The following ATXN8OS variants were observed in gnomAD, a reference collection of about 807,000 sequenced individuals.
ATXN8OS encodes ATXN8 opposite strand lncRNA.
At chr13:70,144,176 C>T (rs1888751619) in intron 3 of ATXN8OS, among the ~76,000 whole-genome samples, 1 of 151,946 alleles carries the variant, frequency 6.6e-6, no homozygotes, top group South Asian at 2.1e-4. Flanking sequence ...GTGGCTTTCA[C>T]ATTCTTCATC....
At chr13:70,112,538 A>G (rs1888211572) in intron 1 of ATXN8OS, among the ~76,000 whole-genome samples, 1 of 152,114 alleles carries the variant, frequency 6.6e-6, no homozygotes, top group Non-Finnish European at 1.5e-5. Flanking sequence ...AATCTTCATT[A>G]CAGTATAGTT....
chr13:70,146,140 G>T (rs1299499138), intron 3 of ATXN8OS, among the ~76,000 whole-genome samples: 1 of 149,122 alleles, frequency 6.7e-6, no homozygotes, highest in Non-Finnish European at 1.5e-5. Context: ...AGACTTTTAT[G>T]CAGCCAAAAA....
chr13:70,113,605 G>C (rs1888232008), intron 1 of ATXN8OS, among the ~76,000 whole-genome samples: 1 of 152,136 alleles, frequency 6.6e-6, no homozygotes, highest in Admixed American at 6.6e-5. Context: ...ATAAAATACA[G>C]ATTTGGAAGT....
At chr13:70,115,160 C>T (rs1888257010) in exon 2 of ATXN8OS, 1 of 398,250 alleles carries the variant, frequency 2.5e-6, no homozygotes, top group Non-Finnish European at 4.4e-6. Context: ...CTGGGAAGTT[C>T]AAGACCAATG....
At chr13:70,122,357 A>C (rs755927724) in intron 2 of ATXN8OS, among the ~76,000 whole-genome samples, 1 of 152,008 alleles carries the variant, frequency 6.6e-6, no homozygotes, top group African/African-American at 2.4e-5. Context: ...CTAACACTAA[A>C]GCATTAGTAG....
intron 3 of ATXN8OS, among the ~76,000 whole-genome samples, chr13:70,141,843 C>T (rs1888719865): frequency 6.6e-6 from 1 of 151,900 alleles, no homozygotes; most frequent in Admixed American, 6.6e-5. Context: ...AAAACCAACA[C>T]ACATATATAC....
In ATXN8OS at chr13:70,136,115, C is replaced by T. The variant is rs374623826; in HGVS notation, n.499+6231C>T. 1.9e-3 allele frequency among the ~76,000 whole-genome samples: 294 copies of T among 152,230 alleles called. 12 individuals are homozygous for T. In the South Asian group the frequency reaches 0.058, roughly 30 times the overall value. On this transcript the variant is annotated intron_variant and non_coding_transcript_variant, in intron 3 of 4. Transcript: ENST00000678624. ...TGACTTATTTGTTGGTGCAAAGAGG[C>T]ATTTCTTTTGCGGGGGCAAGTCTGA...
chr13:70,134,038 T>C (rs891472503), intron 3 of ATXN8OS, among the ~76,000 whole-genome samples: 7 of 152,238 alleles, frequency 4.6e-5, no homozygotes, highest in Admixed American at 3.3e-4. Flanking sequence ...TGTTGTGTTT[T>C]ATTTTTATTT....
chr13:70,146,608 T>C (rs1888789736), intron 3 of ATXN8OS, among the ~76,000 whole-genome samples: 1 of 152,128 alleles, frequency 6.6e-6, no homozygotes, highest in Admixed American at 6.6e-5. Context: ...GTTCATGTCC[T>C]TTGTAGGGAC....
At chr13:70,107,804 C>T (rs966717808) in exon 1 of ATXN8OS, 5 of 836,392 alleles carry the variant, frequency 6.0e-6, no homozygotes, top group East Asian at 2.7e-5. Flanking sequence ...AGGCGGGATG[C>T]GCCCTCTGCA....
At chr13:70,117,840 G>A (rs1354904234) in intron 2 of ATXN8OS, among the ~76,000 whole-genome samples, 1 of 133,758 alleles carries the variant, frequency 7.5e-6, no homozygotes, top group Non-Finnish European at 1.6e-5. Flanking sequence ...ATATTTAAAT[G>A]ACCTTTATAT....
At chr13:70,141,714 T>C (rs965566414) in intron 3 of ATXN8OS, among the ~76,000 whole-genome samples, 3 of 152,052 alleles carry the variant, frequency 2.0e-5, no homozygotes, top group Non-Finnish European at 4.4e-5. Flanking sequence ...AAACTGATTA[T>C]AACATTTTTA....
At chr13:70,159,273 T>C (rs1888974519) in intron 4 of ATXN8OS, among the ~76,000 whole-genome samples, 1 of 151,948 alleles carries the variant, frequency 6.6e-6, no homozygotes, top group Admixed American at 6.6e-5. Flanking sequence ...TTATTCTAGA[T>C]TTTCTATGTA....
chr13:70,163,436 T>C (rs1382327752), intron 4 of ATXN8OS, among the ~76,000 whole-genome samples: 1 of 152,094 alleles, frequency 6.6e-6, no homozygotes. Flanking sequence ...CACCATGTCA[T>C]ACTTAGTAGG....
intron 2 of ATXN8OS, among the ~76,000 whole-genome samples, chr13:70,126,482 C>T (rs561176903): frequency 5.9e-4 from 90 of 152,150 alleles, no homozygotes; most frequent in Middle Eastern, 6.8e-3. Context: ...TCTCTTTCTC[C>T]ATACAGGTAG....
chr13:70,111,183 A>G (rs545169425), intron 1 of ATXN8OS, among the ~76,000 whole-genome samples: 1 of 152,330 alleles, frequency 6.6e-6, no homozygotes, highest in African/African-American at 2.4e-5. Flanking sequence ...TAAGTCAAGC[A>G]TGGGTGTAAA....
intron 1 of ATXN8OS, among the ~76,000 whole-genome samples, chr13:70,114,192 C>A (rs929711721): frequency 6.6e-6 from 1 of 152,118 alleles, no homozygotes; most frequent in African/African-American, 2.4e-5. Flanking sequence ...AGTCAGGATG[C>A]TTTTGGCTCA....
chr13:70,133,631 T>C (rs1213128380), intron 3 of ATXN8OS, among the ~76,000 whole-genome samples: 1 of 152,082 alleles, frequency 6.6e-6, no homozygotes, highest in African/African-American at 2.4e-5. Flanking sequence ...GCTATTCTTA[T>C]AAGATGAGAA....
At chr13:70,157,925 T>C (rs1374198745) in intron 4 of ATXN8OS, among the ~76,000 whole-genome samples, 1 of 152,116 alleles carries the variant, frequency 6.6e-6, no homozygotes, top group Admixed American at 6.5e-5. Flanking sequence ...AAATTTCCAA[T>C]TAGTACATGC....
Sources: allele counts gnomAD v4.1 joint callset (sites outside exome capture counted in the v4.1 genomes callset), GRCh38; gene constraint gnomAD v4.1.1; transcripts MANE v1.5; gene names NCBI Gene and HGNC (gene_info 2026-07-23, HGNC 2026-07-21).